Variants in SLC8A1 observed in about 807,000 individuals in gnomAD.
The protein encoded by SLC8A1 is solute carrier family 8 member A1, also known as sodium/calcium exchanger 1.
A neutral mutation model predicts 68.3 loss-of-function variants in SLC8A1; 18 were observed. The observed-to-expected ratio is 0.26, with a 90% confidence interval of 0.18 to 0.39. SLC8A1 has a LOEUF of 0.39. Ranked by LOEUF, SLC8A1 falls within the 10% of genes least tolerant of loss-of-function variation. The pLI is 1.00. For synonymous variants in SLC8A1, 475 were observed against 415.5 expected (o/e 1.14, Z -1.74); for missense variants, 985 against 1,156.7 (o/e 0.85, Z 2.15).
chr2:40,496,025 C>T (rs1705674992), intron 1 of SLC8A1, among the ~76,000 whole-genome samples: 1 of 151,966 alleles, frequency 6.6e-6, no homozygotes, highest in Non-Finnish European at 1.5e-5. Flanking sequence ...TCAGGGGCTC[C>T]ATTTGAAGTG....
chr2:40,262,667 T>C (rs1354233243), intron 2 of SLC8A1, among the ~76,000 whole-genome samples: 3 of 152,230 alleles, frequency 2.0e-5, no homozygotes, highest in African/African-American at 7.2e-5. Context: ...CACTAGGAAC[T>C]GTTCTTGATT....
chr2:40,257,443 T>C (rs1450377496), intron 2 of SLC8A1, among the ~76,000 whole-genome samples: 4 of 151,890 alleles, frequency 2.6e-5, no homozygotes, highest in Non-Finnish European at 5.9e-5. Context: ...TTTTGACCTT[T>C]CCTTTTTTTG....
At chr2:40,281,250 A>T (rs954902708) in intron 2 of SLC8A1, among the ~76,000 whole-genome samples, 12 of 131,184 alleles carry the variant, frequency 9.1e-5, no homozygotes, top group Non-Finnish European at 1.2e-4. Context: ...TCATGTATTT[A>T]AAAAAAAAGG....
chr2:40,314,320 G>A (rs2074151254), intron 2 of SLC8A1, among the ~76,000 whole-genome samples: 1 of 151,998 alleles, frequency 6.6e-6, no homozygotes, highest in African/African-American at 2.4e-5. Context: ...ATTCATATAT[G>A]TGTGGATCTA....
At chr2:40,372,971 C>T (rs1678620942) in intron 2 of SLC8A1, among the ~76,000 whole-genome samples, 3 of 152,048 alleles carry the variant, frequency 2.0e-5, no homozygotes, top group South Asian at 4.1e-4. Flanking sequence ...AAAATAAATT[C>T]TTACAAAATA....
At chr2:40,227,428 T>G (rs1043690347) in intron 2 of SLC8A1, among the ~76,000 whole-genome samples, 1 of 152,016 alleles carries the variant, frequency 6.6e-6, no homozygotes, top group Non-Finnish European at 1.5e-5. Flanking sequence ...GGACACGGGA[T>G]AGCTGGAGGC....
At chr2:40,154,963 T>C (rs2044191772) in intron 6 of SLC8A1, among the ~76,000 whole-genome samples, 1 of 152,182 alleles carries the variant, frequency 6.6e-6, no homozygotes. Flanking sequence ...TCCTTCTTCA[T>C]GAACCTCAGT....
exon 8 of SLC8A1, chr2:40,112,690 G>T (rs2125057638): frequency 6.6e-6 from 1 of 152,364 alleles, no homozygotes; most frequent in South Asian, 2.1e-4. Context: ...GGGAAGGATG[G>T]GTTAGAATGA....
At chr2:40,154,217 A>T (rs962993830) in intron 6 of SLC8A1, among the ~76,000 whole-genome samples, 6 of 152,138 alleles carry the variant, frequency 3.9e-5, no homozygotes, top group African/African-American at 1.4e-4. Context: ...TAATGCCTAC[A>T]AAGTACCAGC....
chr2:40,480,159 C>CA (rs1307140807), intron 1 of SLC8A1, among the ~76,000 whole-genome samples: 1 of 152,120 alleles, frequency 6.6e-6, no homozygotes, highest in Non-Finnish European at 1.5e-5. Context: ...AACTAAACCC[C>CA]AAAACCTCAT....
At chr2:40,272,847 G>A (rs561666778) in intron 2 of SLC8A1, among the ~76,000 whole-genome samples, 4 of 152,348 alleles carry the variant, frequency 2.6e-5, no homozygotes, top group South Asian at 2.1e-4. Context: ...TGGCAAGTAC[G>A]ATTTGGAGCA....
chr2:40,436,564 GGCTT>G (rs1559682532), intron 1 of SLC8A1, among the ~76,000 whole-genome samples: 1 of 151,968 alleles, frequency 6.6e-6, no homozygotes, highest in Non-Finnish European at 1.5e-5. Context: ...CATCAGCCCT[GGCTT>G]GCTTATTTTA....
intron 2 of SLC8A1, among the ~76,000 whole-genome samples, chr2:40,253,210 TATAC>T (rs1299557053): frequency 2.0e-5 from 3 of 149,304 alleles, no homozygotes; most frequent in East Asian, 2.0e-4. Context: ...TATACACATC[TATAC>T]ATATTTACAT....
At chr2:40,431,727 C>T (rs1178496230) in intron 1 of SLC8A1, among the ~76,000 whole-genome samples, 3 of 152,110 alleles carry the variant, frequency 2.0e-5, no homozygotes. Flanking sequence ...AAAAGAGGAA[C>T]TGGATTACAG....
chr2:40,437,191 A>G (rs1699595297), intron 1 of SLC8A1, among the ~76,000 whole-genome samples: 1 of 152,194 alleles, frequency 6.6e-6, no homozygotes, highest in Non-Finnish European at 1.5e-5. Flanking sequence ...GATTTCCAAA[A>G]TGGCAGACAC....
At chr2:40,413,698 C>T (rs1318009805) in intron 2 of SLC8A1, among the ~76,000 whole-genome samples, 1 of 152,096 alleles carries the variant, frequency 6.6e-6, no homozygotes, top group East Asian at 1.9e-4. Flanking sequence ...CAGCATGATA[C>T]AAATTAACGT....
At chr2:40,144,220 AAG>A (rs1330549505) in intron 6 of SLC8A1, among the ~76,000 whole-genome samples, 1 of 152,206 alleles carries the variant, frequency 6.6e-6, no homozygotes. Context: ...TAAGAAAAGA[AAG>A]AAACAGGAAG....
chr2:40,187,742 A>G (rs572447906), intron 2 of SLC8A1, among the ~76,000 whole-genome samples: 8 of 152,230 alleles, frequency 5.3e-5, no homozygotes, highest in Non-Finnish European at 8.8e-5. Flanking sequence ...CGAAAGAGAT[A>G]CTACAGGGAT....
At chr2:40,119,608 G>A (rs1343471206) in intron 7 of SLC8A1, among the ~76,000 whole-genome samples, 1 of 152,162 alleles carries the variant, frequency 6.6e-6, no homozygotes, top group East Asian at 1.9e-4. Flanking sequence ...CTACTGCCTT[G>A]GGTTTGAAGG....
Sources: gnomAD v4.1 joint callset for allele counts (sites outside exome capture counted in the v4.1 genomes callset) on GRCh38, gnomAD v4.1.1 for gene constraint, MANE v1.5 for transcripts, NCBI Gene and HGNC (gene_info 2026-07-23, HGNC 2026-07-21) for gene names.